SPHKAP: variants seen among roughly 807,000 people sequenced by gnomAD.
The protein encoded by SPHKAP is SPHK1 interactor, AKAP domain containing.
A neutral mutation model predicts 137.5 loss-of-function variants in SPHKAP; 67 were observed. The observed-to-expected ratio is 0.49, with a 90% CI of 0.40 to 0.60. SPHKAP has a LOEUF of 0.60. Among genes scored for constraint, SPHKAP ranks in the 20% least tolerant of loss-of-function variants. The probability of loss-of-function intolerance (pLI) is 0.00; values close to 1 mark genes in which losing one functional copy is unlikely to be tolerated. For missense variants in SPHKAP, 2,097 were observed against 2,069.3 expected, an observed-to-expected ratio of 1.01 and a Z score of -0.26; for synonymous variants, 813 against 785.3, an observed-to-expected ratio of 1.04 and a Z score of -0.59.
chr2:228,155,665 A>G (rs1483435960), intron 1 of SPHKAP, among the ~76,000 whole-genome samples: 1 of 152,194 alleles, frequency 6.6e-6, no homozygotes, highest in Non-Finnish European at 1.5e-5. Flanking sequence ...ATTAGATGCC[A>G]CTGAGAAAAC....
intron 3 of SPHKAP, among the ~76,000 whole-genome samples, chr2:228,094,718 T>C (rs1697926617): frequency 6.6e-6 from 1 of 152,102 alleles, no homozygotes; most frequent in South Asian, 2.1e-4. Flanking sequence ...TTGAATTAGA[T>C]ACTAGATTGA....
Position 227,995,539 on chromosome 2 carries a change from C to A in SPHKAP, c.4604G>T (p.Ser1535Ile). 1 of 1,614,124 alleles carries A rather than the reference C, an allele frequency of 6.2e-7. No individual in the cohort carries two copies. The highest frequency in any genetic ancestry group is 8.5e-7 in the Non-Finnish European group (1 of 1,179,996). Residue 1535 changes from serine to isoleucine, a missense_variant, in exon 8 of 12, where the codon AGC (serine) becomes ATC (isoleucine). Coordinates refer to ENST00000392056, the MANE Select transcript of SPHKAP (RefSeq NM_001142644.2). ...GGATCGCTCACTGAGCTGGAGAAAGCTACTTGTGTCATCTGGGTTGTCTTC... is the reference window on the plus strand; with the variant it reads ...GGATCGCTCACTGAGCTGGAGAAAGATACTTGTGTCATCTGGGTTGTCTTC... ...NEEDNPDDTSSFLQLSERSMS... is the reference protein window; with the variant it reads ...NEEDNPDDTSIFLQLSERSMS...
At chr2:228,107,966 C>A (rs1698395808) in intron 3 of SPHKAP, among the ~76,000 whole-genome samples, 2 of 152,136 alleles carry the variant, frequency 1.3e-5, no homozygotes, top group Non-Finnish European at 1.5e-5. Context: ...CTCTGTCTGC[C>A]AGTTCTGGTT....
At chr2:228,115,411 T>C (rs1698677766) in intron 2 of SPHKAP, among the ~76,000 whole-genome samples, 1 of 152,164 alleles carries the variant, frequency 6.6e-6, no homozygotes, top group Admixed American at 6.6e-5. Flanking sequence ...TATTTGCAGT[T>C]GATATCAGGA....
chr2:228,036,268 A>G (rs1198092327), intron 3 of SPHKAP, among the ~76,000 whole-genome samples: 1 of 152,138 alleles, frequency 6.6e-6, no homozygotes, highest in Non-Finnish European at 1.5e-5. Flanking sequence ...TGCAGCCAAA[A>G]AACACATGAA....
At chr2:228,110,239 C>G (rs1243270840) in intron 2 of SPHKAP, among the ~76,000 whole-genome samples, 1 of 151,742 alleles carries the variant, frequency 6.6e-6, no homozygotes, top group South Asian at 2.1e-4. Context: ...ATACAGTTAA[C>G]TAAATCTAAT....
chr2:228,139,472 C>T (rs1403329395), intron 1 of SPHKAP, among the ~76,000 whole-genome samples: 1 of 152,092 alleles, frequency 6.6e-6, no homozygotes, highest in Non-Finnish European at 1.5e-5. Context: ...TAAAATAACA[C>T]TTATTGAACA....
chr2:228,133,116 G>A (rs1464585863), intron 1 of SPHKAP, among the ~76,000 whole-genome samples: 2 of 152,084 alleles, frequency 1.3e-5, no homozygotes, highest in Non-Finnish European at 2.9e-5. Flanking sequence ...AGATCAGCCT[G>A]GGCAACACGG....
chr2:228,001,597 T>C (rs1370573764), intron 7 of SPHKAP, among the ~76,000 whole-genome samples: 1 of 149,448 alleles, frequency 6.7e-6, no homozygotes, highest in Non-Finnish European at 1.5e-5. Context: ...TACTTTAAGT[T>C]CTAGGGTACA....
At chr2:228,157,113 A>G (rs1329038264) in intron 1 of SPHKAP, among the ~76,000 whole-genome samples, 4 of 152,170 alleles carry the variant, frequency 2.6e-5, no homozygotes, top group Non-Finnish European at 5.9e-5. Flanking sequence ...AAATAAATAA[A>G]AGTAAAATAT....
chr2:228,150,004 A>C (rs566457697), intron 1 of SPHKAP, among the ~76,000 whole-genome samples: 2 of 152,274 alleles, frequency 1.3e-5, no homozygotes, highest in Non-Finnish European at 2.9e-5. Flanking sequence ...TTAAAGTTAC[A>C]CCACCATGTA....
At chr2:228,157,003 A>T (rs12466485) in intron 1 of SPHKAP, among the ~76,000 whole-genome samples, 34,024 of 152,058 alleles carry the variant, frequency 0.22, 4,252 homozygotes, top group East Asian at 0.49. Flanking sequence ...CAGCAAGCAC[A>T]GTGCAAGGAG....
chr2:228,067,200 A>G (rs1559155791), intron 3 of SPHKAP, among the ~76,000 whole-genome samples: 2 of 152,212 alleles, frequency 1.3e-5, no homozygotes, highest in Non-Finnish European at 2.9e-5. Context: ...TGACAGGAAC[A>G]TTTGCATCTT....
At chr2:228,166,380 T>G (rs750893048) in intron 1 of SPHKAP, among the ~76,000 whole-genome samples, 37 of 152,198 alleles carry the variant, frequency 2.4e-4, no homozygotes, top group Non-Finnish European at 4.6e-4. Context: ...GTATGACACC[T>G]AGACCTCCTT....
intron 1 of SPHKAP, among the ~76,000 whole-genome samples, chr2:228,135,035 G>T (rs754273942): frequency 3.3e-5 from 5 of 152,144 alleles, no homozygotes; most frequent in Non-Finnish European, 7.4e-5. Flanking sequence ...AGCACTTTGG[G>T]AGGCTGAGGT....
In SPHKAP at chr2:228,168,785, G is replaced by C. The variant is rs201098218; in HGVS notation, c.32+12782C>G. On this transcript the variant is annotated intron_variant, in intron 1 of 11. Coordinates refer to ENST00000392056, the MANE Select transcript of SPHKAP (RefSeq NM_001142644.2). The stretch of plus-strand genomic sequence containing the variant: ...AACTGGGTATGATGAAGTGAGGAAG[G>C]GATATTGAAAGCTGAGACAGGCCAA... 1.8e-4 allele frequency among the ~76,000 whole-genome samples: 28 copies of C among 152,222 alleles called. No individual in the cohort carries two copies. In the East Asian group the frequency reaches 5.0e-3, roughly 27 times the overall value.
chr2:228,101,865 G>A (rs938884756), intron 3 of SPHKAP, among the ~76,000 whole-genome samples: 1 of 152,164 alleles, frequency 6.6e-6, no homozygotes, highest in Non-Finnish European at 1.5e-5. Context: ...GTCTCTAGAA[G>A]TGGATCAGTA....
At chr2:228,173,507 AAGG>A (rs1270513389) in intron 1 of SPHKAP, among the ~76,000 whole-genome samples, 1 of 152,190 alleles carries the variant, frequency 6.6e-6, no homozygotes, top group Non-Finnish European at 1.5e-5. Context: ...GGAGGCAGAA[AAGG>A]AGGTCAGAAG....
At chr2:228,046,291 CTTTT>C (rs58510792) in intron 3 of SPHKAP, among the ~76,000 whole-genome samples, 2 of 82,528 alleles carry the variant, frequency 2.4e-5, no homozygotes, top group African/African-American at 9.7e-5. Context: ...TGTTGTTATT[CTTTT>C]TTTTTTTTTT....
Sources: allele counts gnomAD v4.1 joint callset (sites outside exome capture counted in the v4.1 genomes callset), GRCh38; gene constraint gnomAD v4.1.1; transcripts MANE v1.5; gene names NCBI Gene and HGNC (gene_info 2026-07-23, HGNC 2026-07-21).